Variants in RANBP10 observed in about 807,000 individuals in gnomAD.
The protein encoded by RANBP10 is ran-binding protein 10.
RANBP10 carries 24 observed loss-of-function variants against 72.8 expected under a neutral mutation model. That is an observed-to-expected ratio of 0.33 (90% confidence interval 0.24 to 0.46). The LOEUF (loss-of-function observed/expected upper bound fraction) is 0.46. Among genes scored for constraint, RANBP10 ranks in the 20% least tolerant of loss-of-function variants. RANBP10 has a pLI of 1.00. For synonymous variants in RANBP10, 310 were observed against 322.3 expected, an observed-to-expected ratio of 0.96 and a Z score of 0.41; for missense variants, 679 against 817.5, an observed-to-expected ratio of 0.83 and a Z score of 2.07.
At chr16:67,767,970 G>A (rs2054535830) in intron 3 of RANBP10, among the ~76,000 whole-genome samples, 1 of 151,668 alleles carries the variant, frequency 6.6e-6, no homozygotes, top group Admixed American at 6.6e-5. Flanking sequence ...GGAGACTAAG[G>A]TGAGAGGATC....
chr16:67,744,566 G>A (rs1281199096), intron 3 of RANBP10, 111 bp from the exon 4 acceptor site: 3 of 1,190,748 alleles, frequency 2.5e-6, no homozygotes, highest in Admixed American at 4.9e-5. Flanking sequence ...CCCCACCTCT[G>A]TCAGCACTCT....
chr16:67,794,011 C>T (rs900828695), intron 2 of RANBP10, among the ~76,000 whole-genome samples: 1 of 152,122 alleles, frequency 6.6e-6, no homozygotes, highest in Non-Finnish European at 1.5e-5. Flanking sequence ...TCCCAAGTAG[C>T]TAGGTCTACA....
At chr16:67,743,311 T>C (rs1450991690) in intron 4 of RANBP10, among the ~76,000 whole-genome samples, 1 of 152,216 alleles carries the variant, frequency 6.6e-6, no homozygotes, top group African/African-American at 2.4e-5. Context: ...GGTAGAGTTC[T>C]GCCAGTCCTC....
In RANBP10 at chr16:67,779,400, GA is replaced by G. The variant is rs1055918400; in HGVS notation, c.348-7315del. ...TGACAGAGCCAGACCTTGTCTCAAA[GA>G]AAAAAAAAAAAAAACACAGCGAGAT... On this transcript the variant is annotated intron_variant, in intron 2 of 13. Transcript: ENST00000317506. Among the ~76,000 whole-genome samples, 116 of 95,696 alleles carry G rather than the reference GA, an allele frequency of 1.2e-3. 1 individual carries two copies. Among genetic ancestry groups the G allele is most frequent in the South Asian group, 4.3e-3 (13 of 3,022 alleles). 62.8% of individuals were successfully genotyped at this position (95,696 alleles called of 152,430 possible).
At chr16:67,731,368 A>G (rs925980283) in intron 7 of RANBP10, 104 bp downstream of exon 7, 3 of 929,908 alleles carry the variant, frequency 3.2e-6, no homozygotes, top group Non-Finnish European at 5.2e-6. Context: ...CATGAGGACC[A>G]GAGCTGAATG....
chr16:67,790,562 A>G (rs77789640), intron 2 of RANBP10, among the ~76,000 whole-genome samples: 2,836 of 151,898 alleles, frequency 0.019, 44 homozygotes, highest in Non-Finnish European at 0.03. Context: ...CCGATGAGAC[A>G]AGGGAGGCCC....
chr16:67,765,199 C>CAAA (rs569942198), intron 3 of RANBP10, among the ~76,000 whole-genome samples: 7 of 11,648 alleles, frequency 6.0e-4, no homozygotes, highest in Non-Finnish European at 8.7e-4. Flanking sequence ...GACTCCATCT[C>CAAA]AAAAAAAAAA....
At chr16:67,742,029 T>C (rs1344132884) in intron 4 of RANBP10, among the ~76,000 whole-genome samples, 3 of 151,756 alleles carry the variant, frequency 2.0e-5, no homozygotes, top group East Asian at 1.9e-4. Flanking sequence ...ATAATATCCA[T>C]GTGGAAAAAA....
intron 2 of RANBP10, among the ~76,000 whole-genome samples, chr16:67,800,006 AGCT>A (rs2143021907): frequency 1.3e-5 from 2 of 152,280 alleles, no homozygotes; most frequent in South Asian, 4.2e-4. Flanking sequence ...CTGTAGTCCC[AGCT>A]ACTCGGGAGG....
At chr16:67,733,719 T>C (rs2053781416) in intron 6 of RANBP10, among the ~76,000 whole-genome samples, 1 of 152,336 alleles carries the variant, frequency 6.6e-6, no homozygotes, top group African/African-American at 2.4e-5. Flanking sequence ...ATGCCTGTGA[T>C]GCCAGCTACT....
At chr16:67,797,305 C>A (rs902968887) in intron 2 of RANBP10, among the ~76,000 whole-genome samples, 1 of 152,362 alleles carries the variant, frequency 6.6e-6, no homozygotes, top group South Asian at 2.1e-4. Flanking sequence ...AAGGCAACGA[C>A]GCTCCCCACT....
intron 3 of RANBP10, among the ~76,000 whole-genome samples, chr16:67,752,126 A>G (rs2054208978): frequency 6.6e-6 from 1 of 152,222 alleles, no homozygotes; most frequent in South Asian, 2.1e-4. Flanking sequence ...TACCTGTTAC[A>G]GGCCGGATAA....
intron 12 of RANBP10, 118 bp from the exon 13 acceptor site, chr16:67,727,556 G>T: frequency 7.6e-7 from 1 of 1,308,494 alleles, no homozygotes; most frequent in Non-Finnish European, 1.1e-6. Flanking sequence ...GTGGGGTGTA[G>T]GGTCGGGCAG....
intron 3 of RANBP10, among the ~76,000 whole-genome samples, chr16:67,752,398 G>T (rs1328766006): frequency 6.6e-6 from 1 of 152,142 alleles, no homozygotes; most frequent in Non-Finnish European, 1.5e-5. Flanking sequence ...GGCAAGGAAT[G>T]AATTCTCCCC....
intron 2 of RANBP10, among the ~76,000 whole-genome samples, chr16:67,783,674 G>C (rs1248461863): frequency 2.0e-5 from 3 of 152,148 alleles, no homozygotes; most frequent in Admixed American, 6.6e-5. Context: ...AAATGTCTGT[G>C]CACATTGTAA....
chr16:67,727,231 G>T, intron 13 of RANBP10, 96 bp downstream of exon 13: 1 of 1,207,476 alleles, frequency 8.3e-7, no homozygotes, highest in Non-Finnish European at 1.1e-6. Context: ...AGGCAGAGGT[G>T]GAGATTGCTG....
In RANBP10 at chr16:67,764,860, G is replaced by A. The variant is rs149613936; in HGVS notation, c.400+7174C>T. Among the ~76,000 whole-genome samples, 3 of 152,292 alleles carry A rather than the reference G, an allele frequency of 2.0e-5. No individual in the cohort carries two copies. In the East Asian group the frequency reaches 5.8e-4, roughly 29 times the overall value. ...ATTTTGGAACATTTAATAAAAGTCT[G>A]ATTGATAAGGCCATCAAAGAAACAG... On this transcript the variant is annotated intron_variant, in intron 3 of 13. Transcript: ENST00000317506.
At chr16:67,784,484 C>T (rs56076526) in intron 2 of RANBP10, among the ~76,000 whole-genome samples, 21,489 of 152,180 alleles carry the variant, frequency 0.14, 1,730 homozygotes, top group African/African-American at 0.21. Flanking sequence ...TGGAGAAACC[C>T]CGTCTCTACT....
rs779136526 is a variant in RANBP10 at position 67,727,822 on chromosome 16, C to G, written c.1549G>C (p.Glu517Gln). The stretch of plus-strand genomic sequence containing the variant: ...AACTGCTCACTCAATGCCTGCAACT[C>G]GCGGCCAAACAGAATGATCCTTTCT... ...ATERIILFGR[E>Q]LQALSEQLGR... Residue 517 changes from glutamate (E) to glutamine (Q), a missense_variant, in exon 12 of 14, where the codon GAG becomes CAG. By Grantham distance (29) the Glu-to-Gln change is conservative (BLOSUM62 2). Coordinates refer to ENST00000317506, the MANE Select transcript of RANBP10 (RefSeq NM_020850.3). 6 of 1,614,206 alleles carry G rather than the reference C, an allele frequency of 3.7e-6. No homozygotes were observed. In the African/African-American group the frequency reaches 8.0e-5, roughly 22 times the overall value.
Sources: gnomAD v4.1 joint callset for allele counts (sites outside exome capture counted in the v4.1 genomes callset) on GRCh38, gnomAD v4.1.1 for gene constraint, MANE v1.5 for transcripts, NCBI Gene and HGNC (gene_info 2026-07-23, HGNC 2026-07-21) for gene names.